The following GAS2L3 variants were observed in gnomAD, a reference collection of about 807,000 sequenced individuals.
GAS2L3 encodes the protein growth arrest specific 2 like 3.
In GAS2L3, 28 loss-of-function variants were observed where a neutral mutation model predicts 37.0. That is an observed-to-expected ratio of 0.76 (90% CI 0.56 to 1.04). GAS2L3 has a LOEUF of 1.04. Ranked by LOEUF, GAS2L3 falls within the 50% of genes least tolerant of loss-of-function variation. The pLI is 0.00. For synonymous variants in GAS2L3, 290 were observed against 296.6 expected, an observed-to-expected ratio of 0.98 and a Z score of 0.23; for missense variants, 793 against 817.6, an observed-to-expected ratio of 0.97 and a Z score of 0.37.
chr12:100,579,536 AC>A (rs1385626520), intron 1 of GAS2L3: 12 of 774,084 alleles, frequency 1.6e-5, no homozygotes, highest in Non-Finnish European at 2.4e-5. Flanking sequence ...GAGGAGAGGG[AC>A]CAAAGAGAAT....
At chr12:100,588,399 T>C (rs1196303121) in intron 1 of GAS2L3, among the ~76,000 whole-genome samples, 1 of 151,810 alleles carries the variant, frequency 6.6e-6, no homozygotes, top group Non-Finnish European at 1.5e-5. Context: ...GGGCAGGGAG[T>C]GTAAGAACAA....
rs182023719 is a variant in GAS2L3 at position 100,625,105 on chromosome 12, G to T, written c.*215G>T. On this transcript the variant is annotated 3_prime_UTR_variant, in exon 10 of 10. Coordinates refer to ENST00000547754, the MANE Select transcript of GAS2L3 (RefSeq NM_174942.3). ...CAAACAGTTGTAAAATCACTGCAAG[G>T]TTTTTATTAATAATAGACATGTATA... 1.2e-5 allele frequency: 5 copies of T among 423,078 alleles called. No individual in the cohort carries two copies. Among genetic ancestry groups the T allele is most frequent in the African/African-American group, 4.0e-5 (2 of 50,410 alleles). The allele number at this position is 423,078 out of a possible 1,614,324, so 26.2% of individuals were successfully genotyped here. A position where few individuals can be genotyped will look rare whatever the true frequency, so the allele number is the denominator to read the frequency against.
At chr12:100,595,762 T>A (rs1361859424) in intron 3 of GAS2L3, among the ~76,000 whole-genome samples, 1 of 151,962 alleles carries the variant, frequency 6.6e-6, no homozygotes, top group African/African-American at 2.4e-5. Context: ...AGGATAATAG[T>A]GATTAACTTG....
intron 1 of GAS2L3, chr12:100,579,645 G>A (rs1029522026): frequency 2.2e-5 from 17 of 777,208 alleles, no homozygotes; most frequent in Non-Finnish European, 3.6e-5. Context: ...CTTAGTTCAA[G>A]GACATATTTT....
rs1171025530 is a variant in GAS2L3, at chr12:100,600,498, C to G, written c.135C>G (p.Ala45=). 2 of 1,613,732 alleles carry G rather than the reference C, an allele frequency of 1.2e-6. No homozygotes were observed. The highest frequency in any genetic ancestry group is 1.7e-6 in the Non-Finnish European group (2 of 1,179,774). ...AGTGGATAGCTGTGAGGCATGAAGC[C>G]ACTTTGTTGCCCATGCAAGAAGATC... ...YDEWIAVRHE[A]TLLPMQEDLS... is the part of the protein sequence containing the mutation. Residue 45 remains alanine, a synonymous_variant, in exon 4 of 10, where the codon GCC becomes GCG. Transcript: ENST00000547754.
intron 4 of GAS2L3, among the ~76,000 whole-genome samples, chr12:100,601,204 G>A (rs1955984393): frequency 6.6e-6 from 1 of 151,922 alleles, no homozygotes. Context: ...TCAGTTTGAT[G>A]GATAATATTT....
chr12:100,577,362 T>G (rs1056089755), intron 1 of GAS2L3, among the ~76,000 whole-genome samples: 3 of 152,222 alleles, frequency 2.0e-5, no homozygotes, highest in Admixed American at 1.3e-4. Flanking sequence ...AAAGGCAAAC[T>G]GATCTTAAGT....
At chr12:100,598,743 C>T (rs1182184615) in intron 3 of GAS2L3, among the ~76,000 whole-genome samples, 2 of 152,128 alleles carry the variant, frequency 1.3e-5, no homozygotes, top group Non-Finnish European at 2.9e-5. Context: ...CAGTAGAAGT[C>T]CCTTCATGCT....
intron 6 of GAS2L3, among the ~76,000 whole-genome samples, chr12:100,616,903 A>C (rs1182193859): frequency 6.6e-6 from 1 of 152,132 alleles, no homozygotes; most frequent in African/African-American, 2.4e-5. Context: ...CCTGGTCTTG[A>C]GGGGGAGACT....
In GAS2L3 at chr12:100,623,861, A is replaced by C; in HGVS notation, c.1056A>C (p.Ala352=). 6.2e-7 allele frequency: 1 copy of C among 1,614,022 alleles called. No homozygotes were observed. The highest frequency in any genetic ancestry group is 8.5e-7 in the Non-Finnish European group (1 of 1,179,946). The change falls in exon 10 of 10, where the codon GCA becomes GCC. Residue 352 remains alanine, a synonymous_variant. Transcript: ENST00000547754. The stretch of plus-strand genomic sequence containing the variant: ...AAAAACAGGGACGTCCACCAGGTGC[A>C]TTGGTGCCAGCATCTTCACTGAAAG... ...SKEKQGRPPG[A]LVPASSLKGG... is the part of the protein sequence containing the mutation.
intron 1 of GAS2L3, chr12:100,580,266 C>A: frequency 4.4e-6 from 2 of 451,982 alleles, no homozygotes; most frequent in East Asian, 3.3e-5. Context: ...AAATAACCTG[C>A]TTTTTGGGGG....
intron 3 of GAS2L3, among the ~76,000 whole-genome samples, chr12:100,596,994 A>C (rs1186874764): frequency 6.6e-6 from 1 of 152,030 alleles, no homozygotes; most frequent in Non-Finnish European, 1.5e-5. Context: ...GACTTTTAAT[A>C]CTAATTTCTA....
At chr12:100,576,625 G>T (rs1427262849) in intron 1 of GAS2L3, among the ~76,000 whole-genome samples, 3 of 152,130 alleles carry the variant, frequency 2.0e-5, no homozygotes, top group Admixed American at 6.5e-5. Context: ...GAGTTTAGTT[G>T]TCACAGAGAA....
At chr12:100,595,736 C>T (rs1469768392) in intron 3 of GAS2L3, among the ~76,000 whole-genome samples, 2 of 151,934 alleles carry the variant, frequency 1.3e-5, no homozygotes, top group South Asian at 4.1e-4. Flanking sequence ...GTCTCTGCTT[C>T]CTTACCTCTA....
In GAS2L3 at chr12:100,601,652, G is replaced by T; in HGVS notation, c.202G>T (p.Ala68Ser). Reference sequence around the variant, plus strand: ...TATGTTTTTAGGTATTAAAGTTAAGGCAGAAAAATTATTGGAAGAACTTGA... The same window carrying T: ...TATGTTTTTAGGTATTAAAGTTAAGTCAGAAAAATTATTGGAAGAACTTGA... ...LSGLLGIKVK[A>S]EKLLEELDNG... Residue 68 changes from alanine to serine, a missense_variant, in exon 5 of 10, where the codon GCA becomes TCA. Ala to Ser is a moderately conservative substitution (Grantham distance 99, BLOSUM62 1). Coordinates refer to ENST00000547754, the MANE Select transcript of GAS2L3 (RefSeq NM_174942.3). 1 of 1,524,562 alleles carries T rather than the reference G, an allele frequency of 6.6e-7. No homozygotes were observed. The allele number at this position is 1,524,562 out of a possible 1,614,324, so 94.4% of individuals were successfully genotyped here.
chr12:100,587,205 G>A (rs1247528854), intron 1 of GAS2L3, among the ~76,000 whole-genome samples: 4 of 152,060 alleles, frequency 2.6e-5, no homozygotes, highest in Non-Finnish European at 5.9e-5. Flanking sequence ...GAGAAAGAAG[G>A]AACCCTCCCC....
rs529150418 is a variant in GAS2L3, at chr12:100,616,418, G to GT, written c.446-1319dup. Among the ~76,000 whole-genome samples, 545 of 151,560 alleles carry GT rather than the reference G, an allele frequency of 3.6e-3. 1 individual carries two copies. Among genetic ancestry groups the GT allele is most frequent in the African/African-American group, 0.012 (503 of 41,254 alleles). ...CATAGGATTATGTTACCTGTTTTTT[G>GT]TTTTTTTGTTTTTGTTTTTGTTGCT... On this transcript the variant is annotated intron_variant, in intron 6 of 9. Transcript: ENST00000547754.
chr12:100,608,177 A>G (rs1956079708), intron 5 of GAS2L3, among the ~76,000 whole-genome samples: 1 of 152,174 alleles, frequency 6.6e-6, no homozygotes, highest in Non-Finnish European at 1.5e-5. Context: ...CTGCATTACC[A>G]GGTAGAGATT....
At chr12:100,604,339 A>T (rs892158740) in intron 5 of GAS2L3, among the ~76,000 whole-genome samples, 4 of 151,770 alleles carry the variant, frequency 2.6e-5, no homozygotes, top group Non-Finnish European at 5.9e-5. Context: ...CTAGGTATTT[A>T]ATTTTATTTG....
Sources: gnomAD v4.1 joint callset for allele counts (sites outside exome capture counted in the v4.1 genomes callset) on GRCh38, gnomAD v4.1.1 for gene constraint, MANE v1.5 for transcripts, NCBI Gene and HGNC (gene_info 2026-07-23, HGNC 2026-07-21) for gene names.